VAV1: variants seen among roughly 807,000 people sequenced by gnomAD.
VAV1 encodes the protein proto-oncogene vav.
VAV1 carries 33 observed loss-of-function variants against 128.1 expected under a neutral mutation model. That is an observed-to-expected ratio of 0.26 (90% confidence interval 0.20 to 0.34). The LOEUF is 0.34. VAV1 is among the 10% of genes least tolerant of loss of function. The pLI, the probability that VAV1 is intolerant of heterozygous loss-of-function variation, is 1.00. For synonymous variants in VAV1, 394 were observed against 409.8 expected (o/e 0.96, Z 0.47); for missense variants, 715 against 1,093.7 (o/e 0.65, Z 4.88).
At chr19:6,831,388 T>G (rs373325039) in intron 14 of VAV1, among the ~76,000 whole-genome samples, 22 of 152,276 alleles carry the variant, frequency 1.4e-4, no homozygotes, top group Admixed American at 9.8e-4. Context: ...CTCGGCTCAC[T>G]GCAACCTCCG....
chr19:6,855,992 A>T (rs1434605320), intron 26 of VAV1, among the ~76,000 whole-genome samples: 1 of 152,216 alleles, frequency 6.6e-6, no homozygotes. Flanking sequence ...GTGACAAATA[A>T]TACAGACAAA....
At chr19:6,774,406 G>A (rs1319134307) in intron 1 of VAV1, among the ~76,000 whole-genome samples, 2 of 147,890 alleles carry the variant, frequency 1.4e-5, no homozygotes, top group African/African-American at 2.6e-5. Context: ...GGGATTACAG[G>A]TGTGAGCCAC....
At chr19:6,852,732 AAAAAG>A (rs1463083486) in intron 24 of VAV1, among the ~76,000 whole-genome samples, 1 of 151,822 alleles carries the variant, frequency 6.6e-6, no homozygotes, top group African/African-American at 2.4e-5. Flanking sequence ...AAGAAAAAAA[AAAAAG>A]AAAGAAAGAA....
rs181473123 is a variant in VAV1 at position 6,849,257 on chromosome 19, G to A, written c.2129+1143G>A. Among the ~76,000 whole-genome samples, 646 of 144,108 alleles carry A rather than the reference G, an allele frequency of 4.5e-3. 17 individuals are homozygous for A. Among genetic ancestry groups the A allele is most frequent in the Admixed American group, 0.041 (584 of 14,388 alleles). 94.5% of individuals were successfully genotyped at this position (144,108 alleles called of 152,430 possible). ...CTTTCATCCCACCCTCCTCCCTCTAGTGCTCCCCCGAGTCTACTGTTTCCA... is the reference window on the plus strand; with the variant it reads ...CTTTCATCCCACCCTCCTCCCTCTAATGCTCCCCCGAGTCTACTGTTTCCA... On this transcript the variant is annotated intron_variant, in intron 23 of 26. Coordinates refer to ENST00000602142, the MANE Select transcript of VAV1 (RefSeq NM_005428.4).
At chr19:6,849,781 G>A (rs958676860) in intron 23 of VAV1, among the ~76,000 whole-genome samples, 2 of 152,154 alleles carry the variant, frequency 1.3e-5, no homozygotes, top group African/African-American at 4.8e-5. Flanking sequence ...CTTTATGGCT[G>A]TATAGTAGTC....
intron 21 of VAV1, among the ~76,000 whole-genome samples, chr19:6,837,652 GAATAATGCA>G (rs998532495): frequency 1.6e-4 from 25 of 152,106 alleles, no homozygotes; most frequent in African/African-American, 5.6e-4. Context: ...AAAGCTATGA[GAATAATGCA>G]AAGAGCTCCT....
chr19:6,832,333 A>G (rs749589708), intron 15 of VAV1, 133 bp downstream of exon 15: 39 of 823,268 alleles, frequency 4.7e-5, no homozygotes, highest in Admixed American at 1.3e-4. Flanking sequence ...CATTTGGGAA[A>G]TAAGAGGGAC....
rs1287285533 is a variant in VAV1 at position 6,828,116 on chromosome 19, G to A, written c.968G>A (p.Arg323Gln). The change falls in exon 10 of 27, where the codon CGG (arginine) becomes CAG (glutamine). Residue 323 changes from arginine (R) to glutamine (Q), a missense_variant. Arg to Gln is a conservative substitution (Grantham distance 43, BLOSUM62 1). Around this residue, in one of 3 missense-constraint regions of VAV1, gnomAD observed 302 missense variants for 477.8 expected, o/e 0.63. Transcript: ENST00000602142. This position sits in a 1 kb window ranked among gnomAD's most constrained non-coding sequence, Gnocchi z 4.5. ...GCCAACAACGGGAGGTTCACCCTGC[G>A]GGACCTGCTGATGGTGCCTATGCAG... ...QRANNGRFTL[R>Q]DLLMVPMQRV... 1.9e-6 allele frequency: 3 copies of A among 1,614,130 alleles called. No homozygotes were observed. Among genetic ancestry groups the A allele is most frequent in the African/African-American group, 1.3e-5 (1 of 75,022 alleles).
intron 1 of VAV1, among the ~76,000 whole-genome samples, chr19:6,799,069 G>C (rs1003945776): frequency 1.3e-5 from 2 of 152,030 alleles, no homozygotes; most frequent in African/African-American, 4.8e-5. Flanking sequence ...TGATGTCCTG[G>C]TTCATCCATG....
intron 1 of VAV1, among the ~76,000 whole-genome samples, chr19:6,817,474 A>G (rs570441202): frequency 1.3e-5 from 2 of 152,208 alleles, no homozygotes; most frequent in Admixed American, 1.3e-4. Context: ...ACCTCCATCC[A>G]TCTAGTTAAC....
At chr19:6,852,223 C>A (rs1972686513) in intron 24 of VAV1, among the ~76,000 whole-genome samples, 1 of 152,090 alleles carries the variant, frequency 6.6e-6, no homozygotes, top group Non-Finnish European at 1.5e-5. Flanking sequence ...CTATGTTGCC[C>A]AGGCTGGTCT....
In VAV1 at chr19:6,824,100, G is replaced by A. The variant is rs144896120; in HGVS notation, c.655-953G>A. On this transcript the variant is annotated intron_variant, in intron 6 of 26. Coordinates refer to ENST00000602142, the MANE Select transcript of VAV1 (RefSeq NM_005428.4). ...CCACGGGTGCATGCCACCACACCCT[G>A]CTTAATTCTTTAATTTTTTTTGTAG... Among the ~76,000 whole-genome samples the A allele has an allele frequency of 3.9e-4, 60 of 151,912 alleles. 1 individual carries two copies. Among genetic ancestry groups the A allele is most frequent in the African/African-American group, 1.4e-3 (60 of 41,420 alleles).
At chr19:6,798,818 A>G (rs1971199981) in intron 1 of VAV1, among the ~76,000 whole-genome samples, 2 of 151,866 alleles carry the variant, frequency 1.3e-5, no homozygotes, top group African/African-American at 4.8e-5. Context: ...GCCTGATTTG[A>G]TAAATTTTGA....
chr19:6,836,749 C>T (rs308195), intron 20 of VAV1, among the ~76,000 whole-genome samples, 181 bp downstream of exon 20: 134,422 of 151,194 alleles, frequency 0.89, 59,894 homozygotes, highest in Middle Eastern at 0.91. Flanking sequence ...TCCCAGGAAG[C>T]TAATACTCAT....
At chr19:6,851,354 T>TC (rs1379199745) in intron 24 of VAV1, among the ~76,000 whole-genome samples, 1 of 151,428 alleles carries the variant, frequency 6.6e-6, no homozygotes, top group East Asian at 1.9e-4. Flanking sequence ...AAAAAAAAAT[T>TC]TTTTTTTTGT....
chr19:6,776,585 C>T (rs941321024), intron 1 of VAV1, among the ~76,000 whole-genome samples: 16 of 150,948 alleles, frequency 1.1e-4, no homozygotes, highest in East Asian at 2.0e-4. Flanking sequence ...CCCACTCATC[C>T]GTCCATCCAC....
chr19:6,846,385 G>A (rs1284040083), intron 22 of VAV1, among the ~76,000 whole-genome samples: 8 of 150,830 alleles, frequency 5.3e-5, no homozygotes, highest in Non-Finnish European at 8.9e-5. Flanking sequence ...TCAGGAGTTC[G>A]AGACCAGTTT....
intron 1 of VAV1, among the ~76,000 whole-genome samples, chr19:6,786,114 GTTT>G (rs1446175622): frequency 6.6e-6 from 1 of 152,014 alleles, no homozygotes; most frequent in Non-Finnish European, 1.5e-5. Context: ...CTTATTACCT[GTTT>G]TCCACACTCA....
At chr19:6,791,950 G>C (rs181395320) in intron 1 of VAV1, among the ~76,000 whole-genome samples, 73 of 151,828 alleles carry the variant, frequency 4.8e-4, no homozygotes, top group Non-Finnish European at 8.4e-4. Context: ...GAGTGGTAAA[G>C]AATGAGGTTT....
Sources: allele counts gnomAD v4.1 joint callset (sites outside exome capture counted in the v4.1 genomes callset), GRCh38; gene constraint gnomAD v4.1.1; regional missense constraint gnomAD v4.1.1; non-coding constraint Gnocchi (gnomAD v3.1); transcripts MANE v1.5; gene names NCBI Gene and HGNC (gene_info 2026-07-23, HGNC 2026-07-21).